The following MINPP1 variants were observed in gnomAD, a reference collection of about 807,000 sequenced individuals.
MINPP1 encodes multiple inositol polyphosphate phosphatase 1.
A neutral mutation model predicts 46.1 loss-of-function variants in MINPP1; 28 were observed. The ratio of observed to expected loss-of-function variants is 0.61; its 90% CI spans 0.45 to 0.83. The LOEUF (loss-of-function observed/expected upper bound fraction) is 0.83. Ranked by LOEUF, MINPP1 falls within the 40% of genes least tolerant of loss-of-function variation. MINPP1 has a pLI of 0.00. For missense variants in MINPP1, 603 were observed against 610.0 expected, an observed-to-expected ratio of 0.99 and a Z score of 0.12; for synonymous variants, 268 against 249.1, an observed-to-expected ratio of 1.08 and a Z score of -0.72.
chr10:87,507,944 A>G (rs757515414), intron 1 of MINPP1: 112 of 1,310,212 alleles, frequency 8.5e-5, no homozygotes, highest in Non-Finnish European at 1.0e-4. Context: ...ACTTTGGCTT[A>G]GAGTGAAAAA....
At chr10:87,545,245 G>A (rs1396085044) in intron 4 of MINPP1, among the ~76,000 whole-genome samples, 1 of 151,794 alleles carries the variant, frequency 6.6e-6, no homozygotes, top group Non-Finnish European at 1.5e-5. Context: ...TATTTTATAA[G>A]TTGTTTTTCT....
At chr10:87,513,054 A>G (rs559890120) in intron 2 of MINPP1, 70 bp from the exon 3 acceptor site, 21 of 1,046,770 alleles carry the variant, frequency 2.0e-5, no homozygotes, top group Middle Eastern at 2.0e-4. Flanking sequence ...ATGGCATTCT[A>G]CAGATATTTA....
In MINPP1 at chr10:87,521,715, A is replaced by G. The variant is rs78955728; in HGVS notation, c.1067+546A>G. 3.6e-3 allele frequency among the ~76,000 whole-genome samples: 545 copies of G among 152,330 alleles called. 6 individuals are homozygous for G. Among genetic ancestry groups the G allele is most frequent in the African/African-American group, 0.012 (507 of 41,578 alleles). On this transcript the variant is annotated intron_variant, in intron 4 of 4. Coordinates refer to ENST00000371996, the MANE Select transcript of MINPP1 (RefSeq NM_004897.5). ...ATACCATCTACTCTTGTCAGTGGGC[A>G]TTTAGATAGTTCCTATCTTTTGCTG...
Position 87,505,521 on chromosome 10 carries a change from C to T in MINPP1, c.606C>T (p.Tyr202=). 1 of 1,611,006 alleles carries T rather than the reference C, an allele frequency of 6.2e-7. No individual in the cohort carries two copies. Among genetic ancestry groups the T allele is most frequent in the Non-Finnish European group, 8.5e-7 (1 of 1,179,570 alleles). The change falls in exon 1 of 5, where the codon TAC becomes TAT. Residue 202 remains tyrosine, a synonymous_variant. Coordinates refer to ENST00000371996, the MANE Select transcript of MINPP1 (RefSeq NM_004897.5). This position sits in a 1 kb window ranked among gnomAD's most constrained non-coding sequence, Gnocchi z 4.4. ...AAFLQGLWQH[Y]HPGLPPPDVA... ...TCCTGCAGGGGCTGTGGCAGCACTA[C>T]CACCCTGGCTTGCCGCCGCCGGACG... is the stretch of plus-strand genomic sequence containing the variant.
At chr10:87,527,695 A>G (rs1432413973) in intron 4 of MINPP1, among the ~76,000 whole-genome samples, 1 of 152,094 alleles carries the variant, frequency 6.6e-6, no homozygotes, top group Admixed American at 6.5e-5. Context: ...TGTCTCTGCC[A>G]GGCTTTCAGG....
Position 87,509,776 on chromosome 10 carries a change from A to C in MINPP1, c.835+1243A>C, listed in dbSNP as rs773754780. ...CCAGTCCAAAATTCTATTTTTATGC[A>C]ACTTTTTGTTTTTGATGTAATGTTT... On this transcript the variant is annotated intron_variant, in intron 2 of 4. Coordinates refer to ENST00000371996, the MANE Select transcript of MINPP1 (RefSeq NM_004897.5). 6 of 287,158 alleles carry C rather than the reference A, an allele frequency of 2.1e-5. 1 individual carries two copies. The highest frequency in any genetic ancestry group is 1.0e-3 in the Middle Eastern group (2 of 1,906). The allele number at this position is 287,158 out of a possible 1,614,324, so 17.8% of individuals were successfully genotyped here.
intron 2 of MINPP1, among the ~76,000 whole-genome samples, chr10:87,510,322 T>C (rs1358214329): frequency 6.6e-6 from 1 of 152,236 alleles, no homozygotes; most frequent in East Asian, 1.9e-4. Context: ...CTTAACAATA[T>C]ATTTGTCTCT....
rs746541590 is a variant in MINPP1 at position 87,505,105 on chromosome 10, C to T, written c.190C>T (p.Pro64Ser). 4 of 1,613,408 alleles carry T rather than the reference C, an allele frequency of 2.5e-6. No homozygotes were observed. In the South Asian group the frequency reaches 4.4e-5, roughly 18 times the overall value. ...TGTCAACCCCGTGCTATTGTCGGGC[C>T]CCGAGGCTCCGTGGCGGGACCCTGA... ...EDVNPVLLSG[P>S]EAPWRDPELL... The change falls in exon 1 of 5, where the codon CCC becomes TCC. Residue 64 changes from proline (P) to serine (S), a missense_variant. By Grantham distance (74) the Pro-to-Ser change is moderately conservative (BLOSUM62 -1). Coordinates refer to ENST00000371996, the MANE Select transcript of MINPP1 (RefSeq NM_004897.5). The surrounding 1 kb of genome is among the most constrained non-coding windows in gnomAD (Gnocchi z 4.4).
intron 1 of MINPP1, chr10:87,508,115 C>T: frequency 6.6e-7 from 1 of 1,522,582 alleles, no homozygotes; most frequent in Non-Finnish European, 8.8e-7. Flanking sequence ...AATCTTCAAT[C>T]TCTATTTCTT....
rs1403400910 is a variant in MINPP1 at position 87,508,159 on chromosome 10, C to T, written c.638-177C>T. 3.2e-6 allele frequency: 5 copies of T among 1,540,334 alleles called. No individual in the cohort carries two copies. The South Asian group carries it at 6.0e-5, about 18-fold the overall frequency. On this transcript the variant is annotated intron_variant, in intron 1 of 4. Transcript: ENST00000371996. ...TCTAGCTATTCTCATGCGTTACAGC[C>T]ATTATAAATGGGGAATAATTTTACC...
At chr10:87,517,961 CTT>C (rs765109040) in intron 3 of MINPP1, among the ~76,000 whole-genome samples, 16 of 137,138 alleles carry the variant, frequency 1.2e-4, no homozygotes, top group Non-Finnish European at 1.1e-4. Context: ...TGCACCTGGC[CTT>C]TTTTTTTTTT....
intron 2 of MINPP1, among the ~76,000 whole-genome samples, chr10:87,509,216 A>G (rs1187178877): frequency 6.6e-6 from 1 of 152,206 alleles, no homozygotes; most frequent in African/African-American, 2.4e-5. Flanking sequence ...TTTATGTTCC[A>G]TAGGGTAGAT....
At chr10:87,526,428 G>T (rs1212323676) in intron 4 of MINPP1, among the ~76,000 whole-genome samples, 1 of 152,100 alleles carries the variant, frequency 6.6e-6, no homozygotes, top group African/African-American at 2.4e-5. Context: ...TAAGTTCTTT[G>T]TAGATTCTGG....
chr10:87,528,837 G>A (rs1038843201), intron 4 of MINPP1, among the ~76,000 whole-genome samples: 1 of 152,094 alleles, frequency 6.6e-6, no homozygotes, highest in East Asian at 1.9e-4. Flanking sequence ...TTATTGTGTG[G>A]GAGTCTAAGT....
chr10:87,552,294 C>T lies in MINPP1; in HGVS notation c.1280C>T (p.Thr427Ile). Residue 427 changes from threonine to isoleucine, a missense_variant, in exon 5 of 5, where the codon ACT (threonine) becomes ATT (isoleucine). By Grantham distance (89) the Thr-to-Ile change is moderately conservative. Transcript: ENST00000371996. ...FVLYHCENAKTPKEQFRVQML... is the reference protein window; with the variant it reads ...FVLYHCENAKIPKEQFRVQML... ...CTTTACCACTGTGAAAATGCTAAGA[C>T]TCCTAAAGAACAATTCCGAGTGCAG... 1.2e-6 allele frequency: 2 copies of T among 1,613,834 alleles called. No homozygotes were observed. The highest frequency in any genetic ancestry group is 1.7e-6 in the Non-Finnish European group (2 of 1,179,816).
At chr10:87,529,381 G>A (rs1851624425) in intron 4 of MINPP1, among the ~76,000 whole-genome samples, 1 of 152,142 alleles carries the variant, frequency 6.6e-6, no homozygotes, top group African/African-American at 2.4e-5. Flanking sequence ...GCTTCCTTCA[G>A]GAGCTCTTGT....
rs535403459 is a variant in MINPP1, at chr10:87,516,430, A to G, written c.933+3209A>G. On this transcript the variant is annotated intron_variant, in intron 3 of 4. Transcript: ENST00000371996. ...ATCCAGATAAACCCATGGTAGATTG[A>G]ATATCTTAAGTTGGAAGTACATTTA... Among the ~76,000 whole-genome samples the G allele has an allele frequency of 1.7e-4, 18 of 105,112 alleles. 7 individuals are homozygous for G. The highest frequency in any genetic ancestry group is 4.6e-4 in the African/African-American group (16 of 35,086). The allele number at this position is 105,112 out of a possible 152,430, so 69.0% of individuals were successfully genotyped here. A position where few individuals can be genotyped will look rare whatever the true frequency, so the allele number is the denominator to read the frequency against.
intron 4 of MINPP1, among the ~76,000 whole-genome samples, chr10:87,530,382 T>C (rs1189869876): frequency 6.6e-6 from 1 of 152,224 alleles, no homozygotes; most frequent in African/African-American, 2.4e-5. Context: ...GATGTACAGA[T>C]GGGGTTTTGG....
intron 4 of MINPP1, among the ~76,000 whole-genome samples, chr10:87,538,587 T>TC (rs1195720741): frequency 6.6e-6 from 1 of 152,240 alleles, no homozygotes; most frequent in African/African-American, 2.4e-5. Context: ...TCATTTTAGT[T>TC]CTTGATTTAT....
Sources: gnomAD v4.1 joint callset for allele counts (sites outside exome capture counted in the v4.1 genomes callset) on GRCh38, gnomAD v4.1.1 for gene constraint, Gnocchi (gnomAD v3.1) non-coding constraint, MANE v1.5 for transcripts, NCBI Gene and HGNC (gene_info 2026-07-23, HGNC 2026-07-21) for gene names.